The following NTN1 variants were observed in gnomAD, a reference collection of about 807,000 sequenced individuals.
The protein encoded by NTN1 is netrin 1, also known as netrin-1.
In NTN1, 11 loss-of-function variants were observed where a neutral mutation model predicts 54.2. The observed-to-expected ratio is 0.20, with a 90% CI of 0.13 to 0.34. The LOEUF (loss-of-function observed/expected upper bound fraction) is 0.34, where lower values mean the gene tolerates loss of function less well. NTN1 is among the 10% of genes least tolerant of loss of function. The probability of loss-of-function intolerance (pLI) is 1.00; values close to 1 mark genes in which losing one functional copy is unlikely to be tolerated. For missense variants in NTN1, 740 were observed against 893.1 expected, an observed-to-expected ratio of 0.83 and a Z score of 2.18; for synonymous variants, 371 against 382.0, an observed-to-expected ratio of 0.97 and a Z score of 0.33.
At chr17:9,083,340 C>G (rs1432138888) in intron 2 of NTN1, among the ~76,000 whole-genome samples, 1 of 152,244 alleles carries the variant, frequency 6.6e-6, no homozygotes, top group African/African-American at 2.4e-5. Context: ...AGGTGATTGG[C>G]CTGCCTCAGC....
intron 2 of NTN1, among the ~76,000 whole-genome samples, chr17:9,114,525 G>T (rs1296694861): frequency 6.6e-6 from 1 of 151,380 alleles, no homozygotes; most frequent in African/African-American, 2.4e-5. Flanking sequence ...GGCCGAGGCA[G>T]GCAGATCTCC....
chr17:9,070,798 G>A (rs2092029617), intron 2 of NTN1, among the ~76,000 whole-genome samples: 1 of 152,106 alleles, frequency 6.6e-6, no homozygotes, highest in African/African-American at 2.4e-5. Flanking sequence ...CACCATGTTG[G>A]CCAGGCTGGT....
intron 5 of NTN1, among the ~76,000 whole-genome samples, chr17:9,205,464 C>T (rs1904941129): frequency 6.6e-6 from 1 of 152,202 alleles, no homozygotes; most frequent in African/African-American, 2.4e-5. Context: ...CTCATCTCTA[C>T]AAAAAATAAT....
At chr17:9,226,454 T>G (rs62068240) in intron 6 of NTN1, among the ~76,000 whole-genome samples, 1,733 of 94,566 alleles carry the variant, frequency 0.018, 46 homozygotes, top group Non-Finnish European at 0.023. Flanking sequence ...GTGGGGAGGC[T>G]GTCTCGTGGG....
In NTN1 at chr17:9,094,392, T is replaced by C. The variant is rs76071333; in HGVS notation, c.1019-68421T>C. Among the ~76,000 whole-genome samples the C allele has an allele frequency of 1.7e-3, 252 of 152,178 alleles. 3 individuals are homozygous for C. The East Asian group carries it at 0.033, about 20-fold the overall frequency. On this transcript the variant is annotated intron_variant, in intron 2 of 6. Transcript: ENST00000173229. ...GGAGGATAGAGTCTTAGAATCACATTTGGTGAGTCAGAGGGTGTGTGTGTA... is the reference window on the plus strand; with the variant it reads ...GGAGGATAGAGTCTTAGAATCACATCTGGTGAGTCAGAGGGTGTGTGTGTA...
intron 6 of NTN1, among the ~76,000 whole-genome samples, chr17:9,231,046 C>T (rs904835427): frequency 2.0e-5 from 3 of 152,142 alleles, no homozygotes; most frequent in Non-Finnish European, 2.9e-5. Context: ...CTAGTCTTCT[C>T]CTGGCTCAGC....
rs1905280586 is a variant in NTN1 at position 9,219,335 on chromosome 17, A to G, written c.1412-1833A>G. On this transcript the variant is annotated intron_variant, in intron 5 of 6. Coordinates refer to ENST00000173229, the MANE Select transcript of NTN1 (RefSeq NM_004822.3). This position sits in a 1 kb window ranked among gnomAD's most constrained non-coding sequence, Gnocchi z 4.5. ...TCCCTACTCTAGTAACCAAGCTGCT[A>G]TCCAGATGGCAGGAGGGATGGGGAC... 6.6e-6 allele frequency among the ~76,000 whole-genome samples: 1 copy of G among 152,196 alleles called. No individual in the cohort carries two copies. The highest frequency in any genetic ancestry group is 1.5e-5 in the Non-Finnish European group (1 of 68,026).
chr17:9,017,245 T>C (rs2091833767), upstream of NTN1, among the ~76,000 whole-genome samples: 1 of 152,120 alleles, frequency 6.6e-6, no homozygotes, highest in Non-Finnish European at 1.5e-5. Context: ...CTGCCACTTA[T>C]ATTCACACTT....
chr17:9,131,003 T>C (rs369634978), intron 2 of NTN1, among the ~76,000 whole-genome samples: 1 of 152,218 alleles, frequency 6.6e-6, no homozygotes, highest in African/African-American at 2.4e-5. Flanking sequence ...TCGTCTGCAC[T>C]TTCCCTAATT....
At chr17:9,168,966 G>T (rs2142305027) in intron 3 of NTN1, among the ~76,000 whole-genome samples, 1 of 152,196 alleles carries the variant, frequency 6.6e-6, no homozygotes, top group East Asian at 1.9e-4. Context: ...GCCAGGTAAG[G>T]TTAGTACCTA....
At chr17:9,043,657 A>G (rs1052365211) in intron 2 of NTN1, among the ~76,000 whole-genome samples, 1 of 150,908 alleles carries the variant, frequency 6.6e-6, no homozygotes, top group African/African-American at 2.4e-5. Flanking sequence ...GCTCACCACA[A>G]CCTCCACCTC....
intron 2 of NTN1, among the ~76,000 whole-genome samples, chr17:9,138,021 C>T (rs1385036379): frequency 3.9e-5 from 6 of 152,194 alleles, no homozygotes; most frequent in African/African-American, 1.4e-4. Flanking sequence ...TGCTCCACCT[C>T]CCTCCCCAGC....
intron 5 of NTN1, among the ~76,000 whole-genome samples, chr17:9,196,135 A>G (rs751889739): frequency 6.6e-5 from 10 of 152,210 alleles, no homozygotes; most frequent in Non-Finnish European, 1.3e-4. Context: ...TGCTGCCAGC[A>G]GCTGGGCAGG....
intron 3 of NTN1, 44 bp from the exon 4 acceptor site, chr17:9,179,763 C>A (rs1039397660): frequency 3.8e-6 from 6 of 1,590,830 alleles, no homozygotes; most frequent in Admixed American, 1.7e-5. Flanking sequence ...GATGCACTGG[C>A]CGCTTCCCCC....
intron 2 of NTN1, among the ~76,000 whole-genome samples, chr17:9,034,760 C>G (rs1477820915): frequency 6.6e-6 from 1 of 151,890 alleles, no homozygotes; most frequent in Non-Finnish European, 1.5e-5. Flanking sequence ...TGTAGTGTAA[C>G]ACATGTAGAG....
the NTN1 span, among the ~76,000 whole-genome samples, chr17:9,014,387 A>G: frequency 6.6e-6 from 1 of 152,082 alleles, no homozygotes; most frequent in Admixed American, 6.6e-5. Context: ...ACAACTCAAA[A>G]CCTACTATAC....
upstream of NTN1, among the ~76,000 whole-genome samples, chr17:9,017,515 T>A (rs915993712): frequency 8.5e-5 from 13 of 152,148 alleles, no homozygotes; most frequent in Admixed American, 1.3e-4. Flanking sequence ...AGTCCCCTGG[T>A]TTTCCTCCTC....
At chr17:9,042,578 G>C (rs1416522756) in intron 2 of NTN1, among the ~76,000 whole-genome samples, 3 of 151,492 alleles carry the variant, frequency 2.0e-5, no homozygotes, top group Non-Finnish European at 4.4e-5. Context: ...CATGAGGTCA[G>C]GAATTCAAGA....
At chr17:9,123,151 T>C (rs991696038) in intron 2 of NTN1, among the ~76,000 whole-genome samples, 4 of 152,228 alleles carry the variant, frequency 2.6e-5, no homozygotes, top group African/African-American at 7.2e-5. Context: ...TACCAGTTTA[T>C]AGAGTGTGAA....
Sources: gnomAD v4.1 joint callset for allele counts (sites outside exome capture counted in the v4.1 genomes callset) on GRCh38, gnomAD v4.1.1 for gene constraint, Gnocchi (gnomAD v3.1) non-coding constraint, MANE v1.5 for transcripts, NCBI Gene and HGNC (gene_info 2026-07-23, HGNC 2026-07-21) for gene names.